The following DTNBP1 variants were observed in gnomAD, a reference collection of about 807,000 sequenced individuals.
DTNBP1 encodes the protein dystrobrevin binding protein 1, also known as dysbindin.
In DTNBP1, 35 loss-of-function variants were observed where a neutral mutation model predicts 42.8. The ratio of observed to expected loss-of-function variants is 0.82; its 90% confidence interval spans 0.63 to 1.09. The LOEUF (loss-of-function observed/expected upper bound fraction) is 1.09, where lower values mean the gene tolerates loss of function less well. Among genes scored for constraint, DTNBP1 ranks in the 50% least tolerant of loss-of-function variants. The pLI is 0.00. For missense variants in DTNBP1, 457 were observed against 424.2 expected (o/e 1.08, Z -0.68); for synonymous variants, 171 against 162.2 (o/e 1.05, Z -0.41).
intron 3 of DTNBP1, 84 bp downstream of exon 3, chr6:15,651,229 G>T: frequency 7.8e-7 from 1 of 1,281,812 alleles, no homozygotes; most frequent in Non-Finnish European, 1.1e-6. Flanking sequence ...CTGTTTTAAG[G>T]CTTTTAACCT....
chr6:15,547,469 T>C (rs962311138), intron 7 of DTNBP1, among the ~76,000 whole-genome samples: 5 of 152,200 alleles, frequency 3.3e-5, no homozygotes, highest in Admixed American at 3.3e-4. Context: ...TTCATTTACA[T>C]TTTGACCTTG....
intron 6 of DTNBP1, among the ~76,000 whole-genome samples, chr6:15,600,660 G>C (rs1004481002): frequency 6.6e-6 from 1 of 152,216 alleles, no homozygotes; most frequent in Non-Finnish European, 1.5e-5. Context: ...GATCAGTGAA[G>C]ACAGAAAGGC....
chr6:15,620,298 T>C (rs961484369), intron 5 of DTNBP1, among the ~76,000 whole-genome samples: 5 of 152,172 alleles, frequency 3.3e-5, no homozygotes, highest in Non-Finnish European at 7.4e-5. Flanking sequence ...AAGAATGTCA[T>C]AAATGGTACA....
At chr6:15,615,462 A>G in intron 5 of DTNBP1, 63 bp from the exon 6 acceptor site, 2 of 1,587,548 alleles carry the variant, frequency 1.3e-6, no homozygotes. Flanking sequence ...ATGAATACAA[A>G]AAGTATCAAA....
At chr6:15,538,977 C>G (rs1218152127) in intron 7 of DTNBP1, among the ~76,000 whole-genome samples, 1 of 152,198 alleles carries the variant, frequency 6.6e-6, no homozygotes, top group African/African-American at 2.4e-5. Flanking sequence ...GGTCCGTTAT[C>G]TGCCTTAGTC....
chr6:15,624,193 G>A (rs1342057221), intron 5 of DTNBP1, among the ~76,000 whole-genome samples: 2 of 152,168 alleles, frequency 1.3e-5, no homozygotes, highest in East Asian at 1.9e-4. Flanking sequence ...TATGCTCATC[G>A]TCATTTTGCA....
At chr6:15,592,116 C>G (rs1341131487) in intron 7 of DTNBP1, among the ~76,000 whole-genome samples, 2 of 152,166 alleles carry the variant, frequency 1.3e-5, no homozygotes, top group Non-Finnish European at 2.9e-5. Context: ...GCCTTTATAC[C>G]TTTTATCTTG....
chr6:15,577,828 G>A (rs1775646357), intron 7 of DTNBP1, among the ~76,000 whole-genome samples: 2 of 152,136 alleles, frequency 1.3e-5, no homozygotes, highest in Admixed American at 1.3e-4. Context: ...AACCCCAGAG[G>A]CACTTCAACA....
chr6:15,598,800 T>C (rs775136727), intron 6 of DTNBP1, among the ~76,000 whole-genome samples: 2 of 152,288 alleles, frequency 1.3e-5, no homozygotes, highest in East Asian at 1.9e-4. Context: ...TTTATTCTTA[T>C]ACAAAACCAG....
chr6:15,526,145 C>T (rs964162636), intron 8 of DTNBP1, among the ~76,000 whole-genome samples: 4 of 152,136 alleles, frequency 2.6e-5, no homozygotes, highest in Non-Finnish European at 4.4e-5. Flanking sequence ...CATTAGGTAT[C>T]GTTTAAGATC....
intron 8 of DTNBP1, among the ~76,000 whole-genome samples, chr6:15,530,074 G>T (rs953940835): frequency 6.6e-6 from 1 of 152,280 alleles, no homozygotes; most frequent in East Asian, 1.9e-4. Flanking sequence ...TCTTAATTAA[G>T]AAATGATGCT....
chr6:15,536,081 T>C (rs113909936), intron 7 of DTNBP1, among the ~76,000 whole-genome samples: 1 of 152,244 alleles, frequency 6.6e-6, no homozygotes, highest in Non-Finnish European at 1.5e-5. Flanking sequence ...GCTTTCAGTT[T>C]TATGTGTTCA....
intron 5 of DTNBP1, among the ~76,000 whole-genome samples, chr6:15,623,100 CA>C (rs1418652064): frequency 2.0e-5 from 3 of 152,082 alleles, no homozygotes; most frequent in Non-Finnish European, 4.4e-5. Flanking sequence ...CATTAACTTG[CA>C]AAAGCCATTA....
intron 7 of DTNBP1, chr6:15,533,715 C>T: frequency 1.9e-6 from 1 of 519,712 alleles, no homozygotes; most frequent in South Asian, 1.5e-5. Context: ...ACCAGCTTCT[C>T]AGGTCGTCCT....
chr6:15,547,641 G>A (rs1001882580), intron 7 of DTNBP1, among the ~76,000 whole-genome samples: 2 of 152,218 alleles, frequency 1.3e-5, no homozygotes, highest in Non-Finnish European at 2.9e-5. Context: ...AGAATTGCCT[G>A]TTGTCAACCT....
At chr6:15,590,448 A>G (rs562218560) in intron 7 of DTNBP1, among the ~76,000 whole-genome samples, 1 of 152,164 alleles carries the variant, frequency 6.6e-6, no homozygotes, top group African/African-American at 2.4e-5. Context: ...TGTTTCTCTG[A>G]CCACTTTTGT....
intron 1 of DTNBP1, among the ~76,000 whole-genome samples, chr6:15,662,327 G>C (rs1388954903): frequency 6.6e-6 from 1 of 152,260 alleles, no homozygotes; most frequent in East Asian, 1.9e-4. Context: ...GACGCGGCGC[G>C]GAAGGCTGTG....
intron 2 of DTNBP1, among the ~76,000 whole-genome samples, chr6:15,651,738 TAGCTGAAG>T (rs1216233317): frequency 1.3e-5 from 2 of 152,162 alleles, no homozygotes; most frequent in African/African-American, 4.8e-5. Flanking sequence ...ACAGGTAACA[TAGCTGAAG>T]AGGCTCATTT....
intron 1 of DTNBP1, among the ~76,000 whole-genome samples, chr6:15,659,395 G>C (rs1562019497): frequency 6.6e-6 from 1 of 152,112 alleles, no homozygotes; most frequent in South Asian, 2.1e-4. Context: ...CTGCACACCC[G>C]GTGTTTCCAA....
Sources: gnomAD v4.1 joint callset for allele counts (sites outside exome capture counted in the v4.1 genomes callset) on GRCh38, gnomAD v4.1.1 for gene constraint, MANE v1.5 for transcripts, NCBI Gene and HGNC (gene_info 2026-07-23, HGNC 2026-07-21) for gene names.